Variants in CLEC17A observed in about 807,000 individuals in gnomAD.
CLEC17A encodes C-type lectin domain family 17, member A.
In CLEC17A, 37 loss-of-function variants were observed where a neutral mutation model predicts 61.3. That is an observed-to-expected ratio of 0.60 (90% CI 0.46 to 0.79). The LOEUF (loss-of-function observed/expected upper bound fraction) is 0.79. Ranked by LOEUF, CLEC17A falls within the 30% of genes least tolerant of loss-of-function variation. The pLI is 0.00. For missense variants in CLEC17A, 418 were observed against 464.7 expected, an observed-to-expected ratio of 0.90 and a Z score of 0.92; for synonymous variants, 168 against 164.9, an observed-to-expected ratio of 1.02 and a Z score of -0.14.
intron 12 of CLEC17A, among the ~76,000 whole-genome samples, chr19:14,600,891 CTTTTTTTTTTTT>C (rs71166763): frequency 0.068 from 4,323 of 63,274 alleles, 350 homozygotes; most frequent in African/African-American, 0.25. Flanking sequence ...GCTCGGCCTT[CTTTTTTTTTTTT>C]TTTTTTTTTT....
Position 14,610,989 on chromosome 19 carries a change from C to T in CLEC17A, c.*793C>T, listed in dbSNP as rs1361789203. 1.4e-5 allele frequency: 2 copies of T among 145,430 alleles called. No homozygotes were observed. The highest frequency in any genetic ancestry group is 2.5e-5 in the African/African-American group (1 of 39,890). The allele number at this position is 145,430 out of a possible 1,614,324, so 9.0% of individuals were successfully genotyped here. A position where few individuals can be genotyped will look rare whatever the true frequency, so the allele number is the denominator to read the frequency against. Reference sequence around the variant, plus strand: ...TATTTTTATTTTTATTTTTACTTTCCCCATCTTTTCCTTTTTTTTTTTTTT... The same window carrying T: ...TATTTTTATTTTTATTTTTACTTTCTCCATCTTTTCCTTTTTTTTTTTTTT... On this transcript the variant is annotated 3_prime_UTR_variant, in exon 14 of 14. Coordinates refer to ENST00000417570, the MANE Select transcript of CLEC17A (RefSeq NM_001204118.2).
intron 12 of CLEC17A, among the ~76,000 whole-genome samples, chr19:14,603,494 C>G (rs1042452310): frequency 1.3e-5 from 2 of 151,688 alleles, no homozygotes; most frequent in African/African-American, 4.9e-5. Context: ...GGATCTTGCT[C>G]TGTTGCCCAG....
chr19:14,595,320 G>T lies in CLEC17A; in HGVS notation c.445+5G>T. ...CATTGCAGCCATCCCTGGCCGGTAA[G>T]TGTCCTCCCATTTCCCCTCTGACAG... On this transcript the variant is annotated splice_donor_5th_base_variant and intron_variant, in intron 8 of 13. Coordinates refer to ENST00000417570, the MANE Select transcript of CLEC17A (RefSeq NM_001204118.2). 6.2e-7 allele frequency: 1 copy of T among 1,613,896 alleles called. No homozygotes were observed. The highest frequency in any genetic ancestry group is 8.5e-7 in the Non-Finnish European group (1 of 1,179,804).
At chr19:14,586,697 G>A (rs2074289029) in intron 2 of CLEC17A, among the ~76,000 whole-genome samples, 2 of 152,092 alleles carry the variant, frequency 1.3e-5, no homozygotes, top group Admixed American at 1.3e-4. Context: ...AAAGTGCTGG[G>A]ATTATAGGCA....
intron 11 of CLEC17A, 102 bp from the exon 12 acceptor site, chr19:14,599,929 A>C: frequency 6.6e-7 from 1 of 1,521,912 alleles, no homozygotes; most frequent in South Asian, 1.2e-5. Context: ...CCTCCCCCTC[A>C]CCGGAGTTGA....
At chr19:14,584,243 G>A (rs2074235988) in intron 2 of CLEC17A, 1 of 151,998 alleles carries the variant, frequency 6.6e-6, no homozygotes, top group African/African-American at 2.4e-5. Context: ...TGTTTTGGGA[G>A]CAGGGGACCA....
chr19:14,587,816 G>C lies in CLEC17A; in HGVS notation c.199+125G>C, dbSNP rs189962263. On this transcript the variant is annotated intron_variant, in intron 3 of 13. Coordinates refer to ENST00000417570, the MANE Select transcript of CLEC17A (RefSeq NM_001204118.2). ...TACACAGCCCATGCCGGGCACTGTG[G>C]AACCCACACCCTGCCCAGGAGGACC... is the stretch of plus-strand genomic sequence containing the variant. 1,345 of 1,526,228 alleles carry C rather than the reference G, an allele frequency of 8.8e-4. 1 individual carries two copies. Among genetic ancestry groups the C allele is most frequent in the Non-Finnish European group, 1.1e-3 (1,230 of 1,132,564 alleles). The allele number at this position is 1,526,228 out of a possible 1,614,324, so 94.5% of individuals were successfully genotyped here.
chr19:14,602,548 C>T (rs973815560), intron 12 of CLEC17A, among the ~76,000 whole-genome samples: 1 of 152,138 alleles, frequency 6.6e-6, no homozygotes, highest in Admixed American at 6.6e-5. Context: ...CCGCCTTCAC[C>T]TCCCAAAGTG....
At chr19:14,586,376 G>A (rs1227074189) in intron 2 of CLEC17A, among the ~76,000 whole-genome samples, 3 of 151,984 alleles carry the variant, frequency 2.0e-5, no homozygotes, top group African/African-American at 7.3e-5. Context: ...TGCCTGCCTT[G>A]GCCTCCCAAA....
upstream of CLEC17A, among the ~76,000 whole-genome samples, chr19:14,582,760 A>G (rs2074197469): frequency 6.6e-6 from 1 of 152,048 alleles, no homozygotes; most frequent in African/African-American, 2.4e-5. Flanking sequence ...GGCGCCTGCC[A>G]CTGCGCCTGG....
intron 8 of CLEC17A, among the ~76,000 whole-genome samples, chr19:14,595,938 TA>T (rs2074536210): frequency 8.3e-4 from 3 of 3,596 alleles, no homozygotes; most frequent in South Asian, 5.4e-3. Context: ...TTGGTGATGA[TA>T]GTAGAGGCAG....
intron 8 of CLEC17A, 87 bp from the exon 9 acceptor site, chr19:14,596,789 C>G: frequency 6.8e-7 from 1 of 1,467,320 alleles, no homozygotes; most frequent in Non-Finnish European, 9.2e-7. Flanking sequence ...ACTTCTGCCC[C>G]CTGCTCTTGG....
rs1370901666 is a variant in CLEC17A, at chr19:14,610,846, G to A, written c.*650G>A. 1 of 152,118 alleles carries A rather than the reference G, an allele frequency of 6.6e-6. No homozygotes were observed. The highest frequency in any genetic ancestry group is 1.5e-5 in the Non-Finnish European group (1 of 68,094). 9.4% of individuals were successfully genotyped at this position (152,118 alleles called of 1,614,324 possible). A position where few individuals can be genotyped will look rare whatever the true frequency, so the allele number is the denominator to read the frequency against. ...CAAAATTATTATTATTATTTTTATAGAGATGAGGTCTCACTCTGTTGCCGA... is the reference window on the plus strand; with the variant it reads ...CAAAATTATTATTATTATTTTTATAAAGATGAGGTCTCACTCTGTTGCCGA... On this transcript the variant is annotated 3_prime_UTR_variant, in exon 14 of 14. Coordinates refer to ENST00000417570, the MANE Select transcript of CLEC17A (RefSeq NM_001204118.2).
intron 10 of CLEC17A, 72 bp downstream of exon 10, chr19:14,597,233 G>A: frequency 7.3e-7 from 1 of 1,370,746 alleles, no homozygotes; most frequent in Non-Finnish European, 1.0e-6. Context: ...CCAACTCCAA[G>A]ATCCAACCTC....
intron 2 of CLEC17A, among the ~76,000 whole-genome samples, chr19:14,584,889 G>T (rs2074251057): frequency 6.6e-6 from 1 of 151,114 alleles, no homozygotes; most frequent in East Asian, 1.9e-4. Flanking sequence ...CCCAAACCTG[G>T]CAAGGACTCT....
At position 14,607,367 on chromosome 19, in the gene CLEC17A, C is replaced by A. The variant is rs181451099; in HGVS notation, c.1004+265C>A. Among the ~76,000 whole-genome samples the A allele has an allele frequency of 3.2e-3, 401 of 125,286 alleles. 1 individual carries two copies. The highest frequency in any genetic ancestry group is 9.9e-3 in the African/African-American group (389 of 39,450). The allele number at this position is 125,286 out of a possible 152,430, so 82.2% of individuals were successfully genotyped here. A position where few individuals can be genotyped will look rare whatever the true frequency, so the allele number is the denominator to read the frequency against. ...TACAGGTGCCCATCACCATGCCCGG[C>A]TAATTTTTTGTATTTTTAGTAGAGA... On this transcript the variant is annotated intron_variant, in intron 13 of 13. Transcript: ENST00000417570.
intron 10 of CLEC17A, among the ~76,000 whole-genome samples, chr19:14,599,233 A>G (rs972905156): frequency 1.5e-4 from 22 of 151,722 alleles, no homozygotes; most frequent in Admixed American, 6.6e-5. Context: ...GATTACAGGC[A>G]TGTACCACCA....
chr19:14,596,443 C>A (rs8112860), intron 8 of CLEC17A, among the ~76,000 whole-genome samples: 49,669 of 151,846 alleles, frequency 0.33, 8,382 homozygotes, highest in African/African-American at 0.41. Flanking sequence ...CCATCCTGGA[C>A]AACATGGCGA....
intron 3 of CLEC17A, chr19:14,588,744 G>C (rs1481481989): frequency 6.6e-6 from 1 of 152,002 alleles, no homozygotes; most frequent in Non-Finnish European, 1.5e-5. Context: ...AGAGATCCTG[G>C]GGGCCCAAAA....
Sources: allele counts gnomAD v4.1 joint callset (sites outside exome capture counted in the v4.1 genomes callset), GRCh38; gene constraint gnomAD v4.1.1; transcripts MANE v1.5; gene names NCBI Gene and HGNC (gene_info 2026-07-23, HGNC 2026-07-21).